Variants in JHY observed in about 807,000 individuals in gnomAD.
JHY encodes jhy protein homolog.
A neutral mutation model predicts 78.0 loss-of-function variants in JHY; 69 were observed. The ratio of observed to expected loss-of-function variants is 0.88; its 90% confidence interval spans 0.73 to 1.08. The LOEUF (loss-of-function observed/expected upper bound fraction) is 1.08. Among genes scored for constraint, JHY ranks in the 50% least tolerant of loss-of-function variants. JHY has a pLI of 0.00. For synonymous variants in JHY, 368 were observed against 342.6 expected (o/e 1.07, Z -0.82); for missense variants, 944 against 927.8 (o/e 1.02, Z -0.23).
intron 3 of JHY, among the ~76,000 whole-genome samples, chr11:122,920,186 A>G (rs756697196): frequency 1.3e-5 from 2 of 152,232 alleles, no homozygotes; most frequent in Non-Finnish European, 2.9e-5. Flanking sequence ...TAAATACTTC[A>G]GCTCACTCCT....
intron 2 of JHY, among the ~76,000 whole-genome samples, chr11:122,887,338 G>A (rs967884309): frequency 6.6e-6 from 1 of 152,128 alleles, no homozygotes; most frequent in African/African-American, 2.4e-5. Context: ...TTGTGTGTGG[G>A]ACGGGGGAGG....
At chr11:122,958,816 A>G in intron 8 of JHY, 1 of 985,104 alleles carries the variant, frequency 1.0e-6, no homozygotes, top group Non-Finnish European at 1.2e-6. Context: ...TAATGATGGG[A>G]GCTCAAGTGT....
chr11:122,953,551 G>A (rs1205022094), intron 6 of JHY, among the ~76,000 whole-genome samples: 1 of 148,370 alleles, frequency 6.7e-6, no homozygotes, highest in South Asian at 2.1e-4. Context: ...GCAGTGAGCC[G>A]AGATTGCACC....
intron 6 of JHY, among the ~76,000 whole-genome samples, chr11:122,950,563 G>T (rs1769170631): frequency 6.6e-6 from 1 of 152,148 alleles, no homozygotes; most frequent in African/African-American, 2.4e-5. Flanking sequence ...ACTTGGACAA[G>T]TTATTAATTC....
chr11:122,928,566 A>C (rs1863565093), intron 4 of JHY, among the ~76,000 whole-genome samples: 2 of 151,450 alleles, frequency 1.3e-5, no homozygotes, highest in South Asian at 4.1e-4. Context: ...AAAAAAAAAA[A>C]ACAAGCAAAC....
At chr11:122,888,078 A>C (rs1011024825) in intron 2 of JHY, among the ~76,000 whole-genome samples, 1 of 151,338 alleles carries the variant, frequency 6.6e-6, no homozygotes, top group African/African-American at 2.4e-5. Flanking sequence ...GGGGCTATCT[A>C]GTTGAATCAA....
In JHY at chr11:122,960,513, G is replaced by T; in HGVS notation, c.*1068G>T. On this transcript the variant is annotated 3_prime_UTR_variant, in exon 9 of 9. Transcript: ENST00000227349. ...AAAAGTTCGTTTTGGGCTGATCCCT[G>T]AGGAATTCTTCCAATTTCTTTATCC... is the stretch of plus-strand genomic sequence containing the variant. 1 of 237,628 alleles carries T rather than the reference G, an allele frequency of 4.2e-6. No individual in the cohort carries two copies. The highest frequency in any genetic ancestry group is 6.4e-5 in the South Asian group (1 of 15,634). The allele number at this position is 237,628 out of a possible 1,614,324, so 14.7% of individuals were successfully genotyped here. A position where few individuals can be genotyped will look rare whatever the true frequency, so the allele number is the denominator to read the frequency against.
intron 3 of JHY, among the ~76,000 whole-genome samples, chr11:122,906,810 C>A (rs1000421384): frequency 6.6e-6 from 1 of 152,076 alleles, no homozygotes; most frequent in Non-Finnish European, 1.5e-5. Flanking sequence ...TTTCTTTGTG[C>A]CATGGAGGAA....
At chr11:122,929,475 G>A (rs889280889) in intron 4 of JHY, among the ~76,000 whole-genome samples, 2 of 152,140 alleles carry the variant, frequency 1.3e-5, no homozygotes, top group Admixed American at 6.5e-5. Context: ...GAGGAGGAAC[G>A]AGGAACCATG....
intron 5 of JHY, among the ~76,000 whole-genome samples, chr11:122,940,202 G>A (rs1863844438): frequency 1.3e-5 from 2 of 152,020 alleles, no homozygotes. Context: ...GCTGGGTGTG[G>A]TGGCAGGCTC....
intron 6 of JHY, among the ~76,000 whole-genome samples, chr11:122,954,352 A>G (rs988789409): frequency 1.3e-5 from 2 of 152,134 alleles, no homozygotes; most frequent in Non-Finnish European, 1.5e-5. Context: ...TGCTGAGGAG[A>G]ATGTTTGTCT....
At chr11:122,914,836 A>G (rs1254107619) in intron 3 of JHY, among the ~76,000 whole-genome samples, 2 of 151,984 alleles carry the variant, frequency 1.3e-5, no homozygotes, top group Non-Finnish European at 2.9e-5. Context: ...CGATTGATAC[A>G]TTTTCTTATT....
At chr11:122,897,003 C>G (rs930125337) in intron 2 of JHY, among the ~76,000 whole-genome samples, 1 of 151,926 alleles carries the variant, frequency 6.6e-6, no homozygotes, top group Non-Finnish European at 1.5e-5. Context: ...ATTACAGGCA[C>G]GTGCCGCCAT....
chr11:122,940,659 A>T (rs1184090151), intron 5 of JHY, among the ~76,000 whole-genome samples: 1 of 152,230 alleles, frequency 6.6e-6, no homozygotes, highest in East Asian at 1.9e-4. Flanking sequence ...TAATTATCCT[A>T]GTTTTCAACA....
intron 5 of JHY, among the ~76,000 whole-genome samples, chr11:122,940,869 C>T (rs756711390): frequency 4.6e-5 from 7 of 152,096 alleles, no homozygotes; most frequent in East Asian, 1.9e-4. Context: ...CTCTCTCTCT[C>T]CCTCTCTCTC....
intron 2 of JHY, among the ~76,000 whole-genome samples, chr11:122,894,292 C>A (rs1048459914): frequency 2.6e-5 from 4 of 151,272 alleles, no homozygotes; most frequent in Non-Finnish European, 4.4e-5. Flanking sequence ...GGGGACAGAG[C>A]AAGACTCCAT....
In JHY at chr11:122,962,111, A is replaced by G. The variant is rs1864328256; in HGVS notation, c.*2666A>G. Among the ~76,000 whole-genome samples the G allele has an allele frequency of 6.6e-6, 1 of 152,262 alleles. No homozygotes were observed. Among genetic ancestry groups the G allele is most frequent in the Non-Finnish European group, 1.5e-5 (1 of 68,042 alleles). Reference sequence around the variant, plus strand: ...ATACAAATGTTAATAAATATTTTTTAGTTTTTAAATCTTTTTTAATATTGC... The same window carrying G: ...ATACAAATGTTAATAAATATTTTTTGGTTTTTAAATCTTTTTTAATATTGC... On this transcript the variant is annotated 3_prime_UTR_variant, in exon 9 of 9. Coordinates refer to ENST00000227349, the MANE Select transcript of JHY (RefSeq NM_024806.4).
intron 6 of JHY, among the ~76,000 whole-genome samples, chr11:122,948,725 T>G (rs2135375201): frequency 6.6e-6 from 1 of 151,966 alleles, no homozygotes; most frequent in African/African-American, 2.4e-5. Flanking sequence ...TGACCTGGGG[T>G]CAGGCAAGGC....
intron 6 of JHY, among the ~76,000 whole-genome samples, chr11:122,953,593 C>T (rs1220041762): frequency 2.6e-4 from 37 of 143,744 alleles, no homozygotes; most frequent in Non-Finnish European, 1.5e-5. Flanking sequence ...CAGAGTGACA[C>T]TCCATCTCAA....
Sources: gnomAD v4.1 joint callset for allele counts (sites outside exome capture counted in the v4.1 genomes callset) on GRCh38, gnomAD v4.1.1 for gene constraint, MANE v1.5 for transcripts, NCBI Gene and HGNC (gene_info 2026-07-23, HGNC 2026-07-21) for gene names.